IFRD1: variants seen among roughly 807,000 people sequenced by gnomAD.
IFRD1 encodes interferon related developmental regulator 1, also known as interferon-related developmental regulator 1.
IFRD1 carries 35 observed loss-of-function variants against 52.9 expected under a neutral mutation model. The ratio of observed to expected loss-of-function variants is 0.66; its 90% CI spans 0.51 to 0.88. The LOEUF (loss-of-function observed/expected upper bound fraction) is 0.88, where lower values mean the gene tolerates loss of function less well. Ranked by LOEUF, IFRD1 falls within the 40% of genes least tolerant of loss-of-function variation. The probability of loss-of-function intolerance (pLI) is 0.00; values close to 1 mark genes in which losing one functional copy is unlikely to be tolerated. For synonymous variants in IFRD1, 184 were observed against 188.4 expected (o/e 0.98, Z 0.19); for missense variants, 517 against 550.8 (o/e 0.94, Z 0.61).
chr7:112,436,850 C>A (rs932728796), intron 1 of IFRD1, among the ~76,000 whole-genome samples: 1 of 152,020 alleles, frequency 6.6e-6, no homozygotes, highest in Non-Finnish European at 1.5e-5. Context: ...TCTTATATAT[C>A]AAAAAATGTT....
At chr7:112,462,232 T>G (rs773979742) in intron 7 of IFRD1, 38 bp from the exon 8 acceptor site, 1 of 1,608,586 alleles carries the variant, frequency 6.2e-7, no homozygotes, top group Non-Finnish European at 8.5e-7. Context: ...TGGACATAAT[T>G]GGTTGTATTC....
rs548260337 is a variant in IFRD1, at chr7:112,477,142, T to C, written c.*1623T>C. ...TTTCTTCTAGATATTCAAATGCATA[T>C]ATGTATGTACATGTAATTATAAATA... On this transcript the variant is annotated 3_prime_UTR_variant, in exon 12 of 12. Transcript: ENST00000403825. 1 of 152,342 alleles carries C rather than the reference T, an allele frequency of 6.6e-6. No homozygotes were observed. The highest frequency in any genetic ancestry group is 1.9e-4 in the East Asian group (1 of 5,186). 9.4% of individuals were successfully genotyped at this position (152,342 alleles called of 1,614,324 possible).
At chr7:112,447,948 G>A (rs956692076), upstream of IFRD1, among the ~76,000 whole-genome samples, 2 of 152,016 alleles carry the variant, frequency 1.3e-5, no homozygotes, top group Non-Finnish European at 2.9e-5. Flanking sequence ...ATGTATGTAT[G>A]TAGTGATACA....
At chr7:112,466,349 C>G (rs183014666) in intron 8 of IFRD1, among the ~76,000 whole-genome samples, 124 of 152,114 alleles carry the variant, frequency 8.2e-4, no homozygotes, top group African/African-American at 2.8e-3. Flanking sequence ...CTTGGTGATT[C>G]ACAAACTAAA....
chr7:112,474,211 T>G lies in IFRD1; in HGVS notation c.1267-1219T>G, dbSNP rs149463866. Among the ~76,000 whole-genome samples, 919 of 152,364 alleles carry G rather than the reference T, an allele frequency of 6.0e-3. 5 individuals are homozygous for G. The highest frequency in any genetic ancestry group is 0.017 in the South Asian group (83 of 4,830). On this transcript the variant is annotated intron_variant, in intron 11 of 11. Transcript: ENST00000403825. ...TTGTGAATAGTGTTGCTCTGAACAT[T>G]CACATACAAAATTTTTTTTGAAAGG...
Position 112,457,031 on chromosome 7 carries a change from GA to G in IFRD1, c.408del (p.Gly137ValfsTer12). The G allele has an allele frequency of 6.2e-7, 1 of 1,613,016 alleles. No individual in the cohort carries two copies. On this transcript the variant is annotated frameshift_variant, in exon 4 of 12. Transcript: ENST00000403825. LOFTEE classifies it high-confidence loss of function. ...TLTDSIERCL[K>X]KGKSDEQRAA... is the part of the protein sequence containing the mutation. ...TAACTGATAGCATTGAACGCTGCCTGAAAAAAGGTAATGCCCTTATTTTTGA... is the reference window on the plus strand; with the variant it reads ...TAACTGATAGCATTGAACGCTGCCTGAAAAAGGTAATGCCCTTATTTTTGA...
At chr7:112,461,315 G>A (rs1795426083) in intron 5 of IFRD1, 1 of 152,276 alleles carries the variant, frequency 6.6e-6, no homozygotes, top group African/African-American at 2.4e-5. Flanking sequence ...AGTTGTAACA[G>A]CTTAAAAACC....
At chr7:112,466,808 C>G (rs1236531108) in intron 8 of IFRD1, among the ~76,000 whole-genome samples, 1 of 152,108 alleles carries the variant, frequency 6.6e-6, no homozygotes, top group South Asian at 2.1e-4. Flanking sequence ...CTGCTAGTCC[C>G]TGAAATGTAC....
intron 4 of IFRD1, chr7:112,458,142 A>G (rs1795340654): frequency 6.6e-6 from 1 of 152,182 alleles, no homozygotes. Context: ...TAAAAATTCC[A>G]TTTTAGTTTG....
intron 1 of IFRD1, among the ~76,000 whole-genome samples, chr7:112,430,172 A>C (rs1794517517): frequency 6.6e-6 from 1 of 152,236 alleles, no homozygotes; most frequent in African/African-American, 2.4e-5. Flanking sequence ...AAAAAATTGT[A>C]ATCAGCAACG....
At chr7:112,427,860 A>C (rs1022048913) in intron 1 of IFRD1, among the ~76,000 whole-genome samples, 2 of 152,196 alleles carry the variant, frequency 1.3e-5, no homozygotes, top group Non-Finnish European at 2.9e-5. Context: ...TCCTATTCCC[A>C]AGGAGATCAC....
chr7:112,457,222 G>T, intron 4 of IFRD1, 184 bp downstream of exon 4: 1 of 646,456 alleles, frequency 1.5e-6, no homozygotes, highest in South Asian at 1.8e-5. Context: ...TTTGTATTAC[G>T]TAAACCAAAA....
Position 112,462,347 on chromosome 7 carries a change from TTCTC to T in IFRD1, c.877_880del (p.Phe294AsnfsTer6). On this transcript the variant is annotated frameshift_variant, in exon 8 of 12. Coordinates refer to ENST00000403825, the MANE Select transcript of IFRD1 (RefSeq NM_001550.4). LOFTEE classifies it high-confidence loss of function. ...ATAGCTGCTGGTGAATCTTTGGCAC[TTCTC>T]TTTGAATTGGCCAGAGGAATAGAGA... 6.2e-7 allele frequency: 1 copy of T among 1,613,392 alleles called. No individual in the cohort carries two copies. Among genetic ancestry groups the T allele is most frequent in the Non-Finnish European group, 8.5e-7 (1 of 1,179,426 alleles).
At position 112,462,156 on chromosome 7, in the gene IFRD1, T is replaced by G; in HGVS notation, c.774T>G (p.Asn258Lys). ...TACTGCTGACCATATGCCCAATCAA[T>G]GAAGTGAAGAAAAAGCTTGAGATGT... Reference protein sequence around the residue: ...WTLLLTICPINEVKKKLEMHF... With the variant: ...WTLLLTICPIKEVKKKLEMHF... The change falls in exon 7 of 12, where the codon AAT (asparagine) becomes AAG (lysine). Residue 258 changes from asparagine (N) to lysine (K), a missense_variant. Physicochemically the swap from Asn to Lys is moderately conservative, Grantham distance 94. Coordinates refer to ENST00000403825, the MANE Select transcript of IFRD1 (RefSeq NM_001550.4). 6.2e-7 allele frequency: 1 copy of G among 1,613,864 alleles called. No individual in the cohort carries two copies. Among genetic ancestry groups the G allele is most frequent in the South Asian group, 1.1e-5 (1 of 91,080 alleles).
intron 5 of IFRD1, among the ~76,000 whole-genome samples, chr7:112,460,309 A>G (rs1401418069): frequency 6.8e-6 from 1 of 146,554 alleles, no homozygotes; most frequent in Non-Finnish European, 1.5e-5. Context: ...CAGTAGCACA[A>G]TCATGGCTCA....
chr7:112,455,975 C>A (rs375158546), intron 2 of IFRD1, 27 bp from the exon 3 acceptor site: 3 of 1,501,600 alleles, frequency 2.0e-6, no homozygotes, highest in Admixed American at 3.3e-5. Flanking sequence ...TTTTAAATTA[C>A]GATGGCTGTT....
At chr7:112,439,833 C>A (rs1170615266) in intron 1 of IFRD1, among the ~76,000 whole-genome samples, 3 of 152,146 alleles carry the variant, frequency 2.0e-5, no homozygotes, top group Non-Finnish European at 4.4e-5. Flanking sequence ...TATGACCCAA[C>A]CCCTGGAGCT....
At chr7:112,426,669 C>T (rs933492113) in intron 1 of IFRD1, among the ~76,000 whole-genome samples, 18 of 152,148 alleles carry the variant, frequency 1.2e-4, no homozygotes, top group African/African-American at 4.1e-4. Context: ...GTGGGATCCA[C>T]ACATGTCTCA....
intron 1 of IFRD1, among the ~76,000 whole-genome samples, chr7:112,438,709 A>C (rs1470274765): frequency 6.6e-6 from 1 of 152,206 alleles, no homozygotes; most frequent in Non-Finnish European, 1.5e-5. Flanking sequence ...CAAGCCAACA[A>C]ATAAACAACC....
Sources: allele counts gnomAD v4.1 joint callset (sites outside exome capture counted in the v4.1 genomes callset), GRCh38; gene constraint gnomAD v4.1.1; transcripts MANE v1.5; gene names NCBI Gene and HGNC (gene_info 2026-07-23, HGNC 2026-07-21).